The following PCDHGA7 variants were observed in gnomAD, a reference collection of about 807,000 sequenced individuals.
PCDHGA7 encodes protocadherin gamma subfamily A, 7.
In PCDHGA7, 44 loss-of-function variants were observed where a neutral mutation model predicts 58.3. The ratio of observed to expected loss-of-function variants is 0.75; its 90% confidence interval spans 0.59 to 0.97. PCDHGA7 has a LOEUF of 0.97. Among genes scored for constraint, PCDHGA7 ranks in the 50% least tolerant of loss-of-function variants. The pLI is 0.00. For missense variants in PCDHGA7, 1,266 were observed against 1,188.7 expected, an observed-to-expected ratio of 1.06 and a Z score of -0.96; for synonymous variants, 516 against 504.2, an observed-to-expected ratio of 1.02 and a Z score of -0.31.
chr5:141,487,032 C>T lies in PCDHGA7; in HGVS notation c.2425-7775C>T. 6.2e-7 allele frequency: 1 copy of T among 1,614,210 alleles called. No individual in the cohort carries two copies. The highest frequency in any genetic ancestry group is 1.1e-5 in the South Asian group (1 of 91,084). ...GAGGCCCCAGATCCCAGCCTGTTTG[C>T]AGTCTCTCGATATGCTGGGGAGGTG... On this transcript the variant is annotated intron_variant, in intron 1 of 3. Coordinates refer to ENST00000518325, the MANE Select transcript of PCDHGA7 (RefSeq NM_018920.4). The surrounding 1 kb of genome is among the most constrained non-coding windows in gnomAD (Gnocchi z 5.0).
At chr5:141,492,244 C>T (rs1334647731) in intron 1 of PCDHGA7, among the ~76,000 whole-genome samples, 1 of 152,198 alleles carries the variant, frequency 6.6e-6, no homozygotes, top group Admixed American at 6.5e-5. Flanking sequence ...TGGCCACCCC[C>T]ACGGCCCACA....
intron 1 of PCDHGA7, among the ~76,000 whole-genome samples, chr5:141,455,393 C>G (rs574741955): frequency 6.4e-4 from 97 of 152,150 alleles, no homozygotes; most frequent in African/African-American, 2.2e-3. Flanking sequence ...GAAGGAGCTC[C>G]CCCTTACAGA....
intron 1 of PCDHGA7, chr5:141,427,830 C>T (rs749612858): frequency 7.8e-6 from 12 of 1,538,204 alleles, no homozygotes; most frequent in African/African-American, 1.4e-5. Flanking sequence ...GGTCGCGCAG[C>T]GTGCCTTCGA....
Position 141,418,145 on chromosome 5 carries a change from T to C in PCDHGA7, c.2424+32822T>C, listed in dbSNP as rs1329322927. On this transcript the variant is annotated intron_variant, in intron 1 of 3. Coordinates refer to ENST00000518325, the MANE Select transcript of PCDHGA7 (RefSeq NM_018920.4). ...GGACCGAATAGACCGTGAGCAAATATGCAAAGAGAGAAGAAGATGTGAGTT... is the reference window on the plus strand; with the variant it reads ...GGACCGAATAGACCGTGAGCAAATACGCAAAGAGAGAAGAAGATGTGAGTT... The C allele has an allele frequency of 5.6e-6, 9 of 1,613,934 alleles. No homozygotes were observed. In the African/African-American group the frequency reaches 8.0e-5, roughly 14 times the overall value.
rs1488305057 is a variant in PCDHGA7, at chr5:141,477,736, C to A, written c.2425-17071C>A. ...AATTTGAATTAACAGCTCATATCAG[C>A]GATGGGGGCACCCCGGTCCTAGCCA... On this transcript the variant is annotated intron_variant, in intron 1 of 3. Transcript: ENST00000518325. This position sits in a 1 kb window ranked among gnomAD's most constrained non-coding sequence, Gnocchi z 4.9. The A allele has an allele frequency of 6.2e-7, 1 of 1,613,790 alleles. No homozygotes were observed. Among genetic ancestry groups the A allele is most frequent in the Non-Finnish European group, 8.5e-7 (1 of 1,180,024 alleles).
chr5:141,428,186 C>CCGCTCTCTG, intron 1 of PCDHGA7: 2 of 1,460,956 alleles, frequency 1.4e-6, no homozygotes, highest in Non-Finnish European at 1.9e-6. Flanking sequence ...AGGACAGCCG[C>CCGCTCTCTG]CGCTCTCTGC....
chr5:141,421,574 A>C, intron 1 of PCDHGA7: 1 of 1,613,924 alleles, frequency 6.2e-7, no homozygotes. Flanking sequence ...GACACCTTGA[A>C]GATTTACGGA....
At chr5:141,419,729 G>A in intron 1 of PCDHGA7, 1 of 1,613,758 alleles carries the variant, frequency 6.2e-7, no homozygotes, top group Non-Finnish European at 8.5e-7. Context: ...GCTGCGAACA[G>A]GCGAGGTGCG....
At chr5:141,425,253 A>G (rs1019069029) in intron 1 of PCDHGA7, among the ~76,000 whole-genome samples, 12 of 152,196 alleles carry the variant, frequency 7.9e-5, no homozygotes, top group Non-Finnish European at 1.5e-4. Context: ...GATATGAGGT[A>G]TTTGGCTGGG....
Position 141,444,149 on chromosome 5 carries a change from T to C in PCDHGA7, c.2425-50658T>C, listed in dbSNP as rs180678850. On this transcript the variant is annotated intron_variant, in intron 1 of 3. Transcript: ENST00000518325. ...ACAGATATGTGTCACTTGTGTGTAC[T>C]GGATTTTTTTTTTTTTTTTTTTTTT... Among the ~76,000 whole-genome samples, 383 of 136,820 alleles carry C rather than the reference T, an allele frequency of 2.8e-3. 2 individuals carry two copies. Among genetic ancestry groups the C allele is most frequent in the Middle Eastern group, 0.012 (3 of 252 alleles). 89.8% of individuals were successfully genotyped at this position (136,820 alleles called of 152,430 possible). A position where few individuals can be genotyped will look rare whatever the true frequency, so the allele number is the denominator to read the frequency against.
chr5:141,434,277 A>G (rs760937958), intron 1 of PCDHGA7, among the ~76,000 whole-genome samples: 4 of 152,172 alleles, frequency 2.6e-5, no homozygotes, highest in Non-Finnish European at 4.4e-5. Flanking sequence ...AATTAGAGGT[A>G]TTCTCTGTTT....
At chr5:141,446,508 G>A (rs932199756) in intron 1 of PCDHGA7, among the ~76,000 whole-genome samples, 4 of 151,356 alleles carry the variant, frequency 2.6e-5, no homozygotes, top group Non-Finnish European at 5.9e-5. Flanking sequence ...ATGGAGTCTC[G>A]CTCTGTCACC....
Position 141,431,388 on chromosome 5 carries a change from T to G in PCDHGA7, c.2424+46065T>G. 1 of 1,613,920 alleles carries G rather than the reference T, an allele frequency of 6.2e-7. No individual in the cohort carries two copies. The highest frequency in any genetic ancestry group is 8.5e-7 in the Non-Finnish European group (1 of 1,180,038). ...CGCGAAGAAAAGGCTGCTCACCACC[T>G]GGTCCTTACGGCCTCCGACGGGGGC... On this transcript the variant is annotated intron_variant, in intron 1 of 3. Transcript: ENST00000518325. The surrounding 1 kb of genome is among the most constrained non-coding windows in gnomAD (Gnocchi z 4.8).
intron 1 of PCDHGA7, chr5:141,421,700 C>G: frequency 6.2e-7 from 1 of 1,613,900 alleles, no homozygotes; most frequent in Non-Finnish European, 8.5e-7. Context: ...CTTCCTAATG[C>G]TAGGGATCCA....
chr5:141,427,652 G>T, intron 1 of PCDHGA7: 1 of 721,166 alleles, frequency 1.4e-6, no homozygotes, highest in Non-Finnish European at 2.5e-6. Flanking sequence ...TCTCCTACGT[G>T]GTCCACGTGG....
At position 141,414,753 on chromosome 5, in the gene PCDHGA7, T is replaced by C. The variant is rs10041534; in HGVS notation, c.2424+29430T>C. 7.9e-4 allele frequency: 1,273 copies of C among 1,614,202 alleles called. 15 individuals carry two copies. The African/African-American group carries it at 0.015, about 19-fold the overall frequency. ...TGTATGCACTCAGATCCTTCGACTA[T>C]GAGCAGTTTCATGAGCTACAGATGC... On this transcript the variant is annotated intron_variant, in intron 1 of 3. Transcript: ENST00000518325.
intron 1 of PCDHGA7, chr5:141,399,761 G>C: frequency 1.2e-6 from 2 of 1,613,356 alleles, no homozygotes; most frequent in Non-Finnish European, 1.7e-6. Flanking sequence ...GTGAGCCTGC[G>C]CGTGTTGGTG....
intron 1 of PCDHGA7, chr5:141,399,959 G>T (rs1257286209): frequency 6.2e-7 from 1 of 1,612,230 alleles, no homozygotes; most frequent in East Asian, 2.2e-5. Context: ...AGCGAGCCCG[G>T]GCTCTTCAGC....
chr5:141,479,676 G>A (rs2099503035), intron 1 of PCDHGA7: 1 of 152,242 alleles, frequency 6.6e-6, no homozygotes, highest in African/African-American at 2.4e-5. Context: ...CAAAAGGAGA[G>A]TCTTTTTGGT....
Sources: gnomAD v4.1 joint callset for allele counts (sites outside exome capture counted in the v4.1 genomes callset) on GRCh38, gnomAD v4.1.1 for gene constraint, Gnocchi (gnomAD v3.1) non-coding constraint, MANE v1.5 for transcripts, NCBI Gene and HGNC (gene_info 2026-07-23, HGNC 2026-07-21) for gene names.